Variants in GRM7 observed in about 807,000 individuals in gnomAD.
GRM7 encodes the protein glutamate metabotropic receptor 7.
GRM7 carries 35 observed loss-of-function variants against 84.5 expected under a neutral mutation model. The ratio of observed to expected loss-of-function variants is 0.41; its 90% CI spans 0.32 to 0.55. The LOEUF is 0.55. GRM7 is among the 20% of genes least tolerant of loss of function. The probability of loss-of-function intolerance (pLI) is 0.19; values close to 1 mark genes in which losing one functional copy is unlikely to be tolerated. For missense variants in GRM7, 1,003 were observed against 1,194.6 expected (o/e 0.84, Z 2.36); for synonymous variants, 487 against 455.1 (o/e 1.07, Z -0.89).
chr3:7,512,394 AAAG>A (rs1700239197), intron 7 of GRM7, among the ~76,000 whole-genome samples: 1 of 152,184 alleles, frequency 6.6e-6, no homozygotes, highest in Admixed American at 6.5e-5. Context: ...TGTGAGAGTC[AAAG>A]TTTCTCTGCA....
intron 1 of GRM7, among the ~76,000 whole-genome samples, chr3:7,061,886 C>T (rs1441008216): frequency 6.6e-6 from 1 of 151,654 alleles, no homozygotes; most frequent in Non-Finnish European, 1.5e-5. Flanking sequence ...GGATTTGAAC[C>T]AGGTCTTTAA....
intron 7 of GRM7, among the ~76,000 whole-genome samples, chr3:7,509,875 C>T (rs1700146329): frequency 6.6e-6 from 1 of 151,882 alleles, no homozygotes; most frequent in South Asian, 2.1e-4. Flanking sequence ...TATAGAATCA[C>T]CAGTGAAGGC....
intron 2 of GRM7, among the ~76,000 whole-genome samples, chr3:7,193,204 C>T (rs916255205): frequency 2.6e-5 from 4 of 151,924 alleles, no homozygotes; most frequent in African/African-American, 7.3e-5. Context: ...GGTTGGTGCA[C>T]GGATAGGTAG....
intron 1 of GRM7, among the ~76,000 whole-genome samples, chr3:7,103,812 TTCTTTCTCTC>T (rs1699201709): frequency 2.4e-5 from 2 of 81,786 alleles, no homozygotes; most frequent in Admixed American, 1.2e-4. Context: ...CTTTCTTTCT[TTCTTTCTCTC>T]TCTCTCTGTC....
intron 1 of GRM7, among the ~76,000 whole-genome samples, chr3:7,103,854 C>CTTTCTT (rs1553617474): frequency 0.13 from 15,816 of 123,640 alleles, 1,929 homozygotes; most frequent in East Asian, 0.18. Context: ...CTCTCTCTCT[C>CTTTCTT]TCTTTCTTTC....
chr3:7,729,860 C>A (rs1269793980), intron 9 of GRM7, among the ~76,000 whole-genome samples: 1 of 146,584 alleles, frequency 6.8e-6, no homozygotes, highest in African/African-American at 2.5e-5. Context: ...TGCATGCCAC[C>A]ACCTCCGGCT....
chr3:7,419,579 G>A (rs1424760797), intron 5 of GRM7, among the ~76,000 whole-genome samples: 1 of 152,068 alleles, frequency 6.6e-6, no homozygotes, highest in Non-Finnish European at 1.5e-5. Flanking sequence ...AAACTCAGAA[G>A]GAGGTTCTGA....
chr3:7,066,063 A>G (rs1359122454), intron 1 of GRM7, among the ~76,000 whole-genome samples: 1 of 151,860 alleles, frequency 6.6e-6, no homozygotes, highest in Non-Finnish European at 1.5e-5. Flanking sequence ...CTAAACGTCT[A>G]CATCAAAAAG....
chr3:6,938,595 C>T (rs769951889), intron 1 of GRM7, among the ~76,000 whole-genome samples: 2 of 152,112 alleles, frequency 1.3e-5, no homozygotes, highest in African/African-American at 2.4e-5. Flanking sequence ...GCATTGACAC[C>T]ATTGACAAAA....
chr3:6,928,594 A>G lies in GRM7; in HGVS notation c.519+66687A>G. On this transcript the variant is annotated intron_variant, in intron 1 of 9. Coordinates refer to ENST00000357716, the MANE Select transcript of GRM7 (RefSeq NM_000844.4). The surrounding 1 kb of genome is among the most constrained non-coding windows in gnomAD (Gnocchi z 4.5). ...TAATTAATAACATTTAGATAGGGGG[A>G]AAATAAGTTTTTCTCAACTTTTTCA... is the stretch of plus-strand genomic sequence containing the variant. 6.6e-6 allele frequency among the ~76,000 whole-genome samples: 1 copy of G among 152,214 alleles called. No individual in the cohort carries two copies. Among genetic ancestry groups the G allele is most frequent in the Admixed American group, 6.5e-5 (1 of 15,278 alleles).
intron 7 of GRM7, among the ~76,000 whole-genome samples, chr3:7,487,565 G>A (rs1410560912): frequency 6.6e-6 from 1 of 152,146 alleles, no homozygotes; most frequent in Non-Finnish European, 1.5e-5. Flanking sequence ...CTTCAGTCTT[G>A]GCTCAAGTGG....
At chr3:7,098,352 T>C (rs909079485) in intron 1 of GRM7, among the ~76,000 whole-genome samples, 1 of 152,058 alleles carries the variant, frequency 6.6e-6, no homozygotes, top group Non-Finnish European at 1.5e-5. Flanking sequence ...TAGGGTAACT[T>C]GATAACATAA....
chr3:7,450,102 G>C (rs1022149166), intron 5 of GRM7, among the ~76,000 whole-genome samples: 6 of 88,696 alleles, frequency 6.8e-5, no homozygotes, highest in African/African-American at 2.7e-4. Flanking sequence ...GAAGAGAATG[G>C]CCAATAACTT....
intron 8 of GRM7, among the ~76,000 whole-genome samples, chr3:7,599,871 G>A (rs1696234214): frequency 1.3e-5 from 2 of 151,878 alleles, no homozygotes; most frequent in Admixed American, 1.3e-4. Flanking sequence ...TGGGGGGTGG[G>A]GTTACTAGTG....
At chr3:7,291,223 G>A (rs1233682158) in intron 2 of GRM7, among the ~76,000 whole-genome samples, 1 of 151,836 alleles carries the variant, frequency 6.6e-6, no homozygotes, top group African/African-American at 2.4e-5. Flanking sequence ...TTAGGACAAT[G>A]TACAGTTGCA....
intron 1 of GRM7, among the ~76,000 whole-genome samples, chr3:6,894,284 C>T (rs1411595964): frequency 6.6e-6 from 1 of 151,974 alleles, no homozygotes; most frequent in Admixed American, 6.6e-5. Flanking sequence ...GTCTGAATCT[C>T]CAAAGTAAAT....
intron 7 of GRM7, among the ~76,000 whole-genome samples, chr3:7,550,324 C>G (rs1387316479): frequency 7.1e-6 from 1 of 141,452 alleles, no homozygotes; most frequent in Non-Finnish European, 1.5e-5. Context: ...TCCTGTCTTC[C>G]TCCCTTTCAC....
chr3:7,355,226 G>A (rs912556994), intron 4 of GRM7, among the ~76,000 whole-genome samples: 2 of 152,118 alleles, frequency 1.3e-5, no homozygotes, highest in African/African-American at 4.8e-5. Context: ...TACAAACAAG[G>A]AAGAGGCACA....
chr3:7,538,408 G>C (rs997994824), intron 7 of GRM7, among the ~76,000 whole-genome samples: 2 of 152,102 alleles, frequency 1.3e-5, no homozygotes, highest in African/African-American at 4.8e-5. Flanking sequence ...CACAATGTTC[G>C]GCCCGTTACT....
Sources: gnomAD v4.1 joint callset for allele counts (sites outside exome capture counted in the v4.1 genomes callset) on GRCh38, gnomAD v4.1.1 for gene constraint, Gnocchi (gnomAD v3.1) non-coding constraint, MANE v1.5 for transcripts, NCBI Gene and HGNC (gene_info 2026-07-23, HGNC 2026-07-21) for gene names.